The following DNAJC17 variants were observed in gnomAD, a reference collection of about 807,000 sequenced individuals.
DNAJC17 encodes the protein dnaJ homolog subfamily C member 17.
A neutral mutation model predicts 48.1 loss-of-function variants in DNAJC17; 35 were observed. That is an observed-to-expected ratio of 0.73 (90% CI 0.56 to 0.96). The LOEUF is 0.96. Among genes scored for constraint, DNAJC17 ranks in the 50% least tolerant of loss-of-function variants. DNAJC17 has a pLI of 0.00. For missense variants in DNAJC17, 355 were observed against 377.1 expected (o/e 0.94, Z 0.48); for synonymous variants, 117 against 142.7 (o/e 0.82, Z 1.28).
chr15:40,776,052 T>G, intron 6 of DNAJC17, 144 bp downstream of exon 6: 1 of 687,714 alleles, frequency 1.5e-6, no homozygotes, highest in Non-Finnish European at 2.5e-6. Context: ...AAGTGGCATG[T>G]GTCAGAGTAA....
At chr15:40,802,770 C>G (rs1268372982) in intron 1 of DNAJC17, among the ~76,000 whole-genome samples, 1 of 152,126 alleles carries the variant, frequency 6.6e-6, no homozygotes, top group Non-Finnish European at 1.5e-5. Flanking sequence ...ACACAGGGAG[C>G]TTGGCCTCCA....
chr15:40,797,840 C>T (rs918965491), intron 1 of DNAJC17, among the ~76,000 whole-genome samples: 2 of 150,762 alleles, frequency 1.3e-5, no homozygotes, highest in African/African-American at 4.9e-5. Flanking sequence ...TCCCGCCTCA[C>T]CCCCCTGGGT....
In DNAJC17 at chr15:40,767,306, C is replaced by A; in HGVS notation, c.*634G>T. On this transcript the variant is annotated 3_prime_UTR_variant, in exon 11 of 11. Coordinates refer to ENST00000220496, the MANE Select transcript of DNAJC17 (RefSeq NM_018163.3). ...AGGGGCTTCCGTGTGCTGAGCATGA[C>A]GGGGGTGGGCCAGACGCTGGTGTGG... is the stretch of plus-strand genomic sequence containing the variant. 4 of 1,603,804 alleles carry A rather than the reference C, an allele frequency of 2.5e-6. No homozygotes were observed. Among genetic ancestry groups the A allele is most frequent in the Non-Finnish European group, 3.4e-6 (4 of 1,175,606 alleles).
At position 40,788,552 on chromosome 15, in the gene DNAJC17, C is replaced by T. The variant is rs559780562; in HGVS notation, c.79-8555G>A. On this transcript the variant is annotated intron_variant, in intron 1 of 10. Transcript: ENST00000220496. ...TCTACTAAAAATACAAGAAATTAGC[C>T]GGGCATGGTGGCGGGCGCCTGTAGT... 2.8e-3 allele frequency among the ~76,000 whole-genome samples: 422 copies of T among 152,126 alleles called. 4 individuals carry two copies. The highest frequency in any genetic ancestry group is 9.5e-3 in the African/African-American group (394 of 41,508).
At chr15:40,792,915 T>C (rs1889844075) in intron 1 of DNAJC17, among the ~76,000 whole-genome samples, 1 of 146,016 alleles carries the variant, frequency 6.8e-6, no homozygotes, top group Non-Finnish European at 1.5e-5. Flanking sequence ...TTTTTTTTTT[T>C]GAGATGGTCT....
chr15:40,779,849 A>C lies in DNAJC17; in HGVS notation c.148+79T>G, dbSNP rs375683291. 33 of 1,488,002 alleles carry C rather than the reference A, an allele frequency of 2.2e-5. No homozygotes were observed. In the African/African-American group the frequency reaches 4.4e-4, roughly 20 times the overall value. The allele number at this position is 1,488,002 out of a possible 1,614,324, so 92.2% of individuals were successfully genotyped here. ...TGTGTGCTTACACCCCACAGCACTC[A>C]CATGCAGAGCTTACATCGGGAAACA... On this transcript the variant is annotated intron_variant, in intron 2 of 10. Transcript: ENST00000220496.
At chr15:40,780,237 CA>C in intron 1 of DNAJC17, 1 of 642,842 alleles carries the variant, frequency 1.6e-6, no homozygotes, top group Non-Finnish European at 2.9e-6. Context: ...CTCACCACTG[CA>C]GATGTCCAGG....
Position 40,770,713 on chromosome 15 carries a change from G to A in DNAJC17, c.793-2651C>T, listed in dbSNP as rs779330480. 2.5e-5 allele frequency: 39 copies of A among 1,546,284 alleles called. No homozygotes were observed. The highest frequency in any genetic ancestry group is 3.6e-5 in the South Asian group (3 of 84,038). On this transcript the variant is annotated intron_variant, in intron 10 of 10. Transcript: ENST00000220496. This position sits in a 1 kb window ranked among gnomAD's most constrained non-coding sequence, Gnocchi z 5.0. ...CCACTGTGGGGGGACGAGCAGCCCC[G>A]GGCCACCCTGCTGGCCCCACCCAAG... is the stretch of plus-strand genomic sequence containing the variant.
At position 40,776,290 on chromosome 15, in the gene DNAJC17, G is replaced by T. The variant is rs146094788; in HGVS notation, c.384C>A (p.Ile128=). Residue 128 remains isoleucine, a splice_region_variant and synonymous_variant, in exon 6 of 11, where the codon ATC becomes ATA. Transcript: ENST00000220496. ...SRSTRTLEQE[I]ERLREEGSRQ... is the part of the protein sequence containing the mutation. ...GGGAACCCTCTTCTCTCAGGCGTTC[G>T]ATCTGCAGAGCAGGGGGTGGGGGTG... 3 of 1,613,722 alleles carry T rather than the reference G, an allele frequency of 1.9e-6. No individual in the cohort carries two copies. Among genetic ancestry groups the T allele is most frequent in the Non-Finnish European group, 2.5e-6 (3 of 1,179,902 alleles).
At chr15:40,780,144 A>T in intron 1 of DNAJC17, 147 bp from the exon 2 acceptor site, 1 of 785,850 alleles carries the variant, frequency 1.3e-6, no homozygotes, top group Admixed American at 2.0e-5. Flanking sequence ...GAGACTGGCA[A>T]TGGAGGAGGC....
chr15:40,786,609 T>C lies in DNAJC17; in HGVS notation c.79-6612A>G, dbSNP rs370597726. The stretch of plus-strand genomic sequence containing the variant: ...ACTTGCAGCTTTTCTTCTTTACCTA[T>C]AGGTTTCCCCTAAATCCCCTGGTCT... On this transcript the variant is annotated intron_variant, in intron 1 of 10. Transcript: ENST00000220496. Among the ~76,000 whole-genome samples, 28 of 152,334 alleles carry C rather than the reference T, an allele frequency of 1.8e-4. No homozygotes were observed. The South Asian group carries it at 2.3e-3, about 12-fold the overall frequency.
chr15:40,792,567 C>T, intron 1 of DNAJC17: 1 of 982,694 alleles, frequency 1.0e-6, no homozygotes, highest in Non-Finnish European at 1.2e-6. Flanking sequence ...GTAATCCTGG[C>T]ACTTTGGGAG....
At chr15:40,779,735 A>G in intron 2 of DNAJC17, 132 bp from the exon 3 acceptor site, 3 of 1,159,440 alleles carry the variant, frequency 2.6e-6, no homozygotes, top group Non-Finnish European at 3.7e-6. Context: ...CAGATGACAG[A>G]CCAACAAGGA....
At chr15:40,773,111 C>T (rs1889203993) in intron 10 of DNAJC17, among the ~76,000 whole-genome samples, 2 of 152,146 alleles carry the variant, frequency 1.3e-5, no homozygotes, top group African/African-American at 2.4e-5. Context: ...CAGGTGCGCA[C>T]CATCATGCCC....
intron 1 of DNAJC17, among the ~76,000 whole-genome samples, chr15:40,801,056 G>A (rs895890883): frequency 7.2e-5 from 11 of 152,048 alleles, no homozygotes; most frequent in African/African-American, 1.9e-4. Context: ...CCTGAGAGAC[G>A]CAGTGACTGC....
rs745770835 is a variant in DNAJC17 at position 40,767,992 on chromosome 15, T to C, written c.863A>G (p.Gln288Arg). 1.2e-6 allele frequency: 2 copies of C among 1,608,120 alleles called. No individual in the cohort carries two copies. Among genetic ancestry groups the C allele is most frequent in the South Asian group, 1.1e-5 (1 of 90,390 alleles). ...MMRMRQAAERQQLIARMQQED... is the reference protein window; with the variant it reads ...MMRMRQAAERRQLIARMQQED... ...CTGCTGCATCCGTGCGATCAGCTGTTGCCGCTCGGCCGCCTGGCGCATGCG... is the reference window on the plus strand; with the variant it reads ...CTGCTGCATCCGTGCGATCAGCTGTCGCCGCTCGGCCGCCTGGCGCATGCG... The change falls in exon 11 of 11, where the codon CAA becomes CGA. Residue 288 changes from glutamine (Q) to arginine (R), a missense_variant. Transcript: ENST00000220496.
At position 40,779,986 on chromosome 15, in the gene DNAJC17, C is replaced by A. The variant is rs374405438; in HGVS notation, c.90G>T (p.Ala30=). 3 of 1,614,028 alleles carry A rather than the reference C, an allele frequency of 1.9e-6. No homozygotes were observed. The highest frequency in any genetic ancestry group is 2.5e-6 in the Non-Finnish European group (3 of 1,179,976). The part of the protein sequence containing the change: ...EKAADKEVKK[A]YRQKALSCHP... ...GGCAGGAGAGGGCCTTCTGCCTATA[C>A]GCCTTCTTTACCTGGAAGAGTCAGA... The change falls in exon 2 of 11, where the codon GCG becomes GCT. Residue 30 remains alanine, a synonymous_variant. Coordinates refer to ENST00000220496, the MANE Select transcript of DNAJC17 (RefSeq NM_018163.3).
intron 1 of DNAJC17, among the ~76,000 whole-genome samples, chr15:40,794,313 G>T (rs1421154069): frequency 6.6e-6 from 1 of 151,750 alleles, no homozygotes; most frequent in Admixed American, 6.6e-5. Context: ...TTGTGCCACT[G>T]CACTCCAGCC....
rs779170943 is a variant in DNAJC17, at chr15:40,776,304, G to C, written c.382-12C>G. The C allele has an allele frequency of 2.5e-6, 4 of 1,612,534 alleles. No individual in the cohort carries two copies. The African/African-American group carries it at 4.0e-5, about 16-fold the overall frequency. ...CTCAGGCGTTCGATCTGCAGAGCAG[G>C]GGGTGGGGGTGACAATTCTGTGCAG... On this transcript the variant is annotated splice_polypyrimidine_tract_variant and intron_variant, in intron 5 of 10. Transcript: ENST00000220496.
Sources: allele counts gnomAD v4.1 joint callset (sites outside exome capture counted in the v4.1 genomes callset), GRCh38; gene constraint gnomAD v4.1.1; non-coding constraint Gnocchi (gnomAD v3.1); transcripts MANE v1.5; gene names NCBI Gene and HGNC (gene_info 2026-07-23, HGNC 2026-07-21).